Variants in VWF observed in about 807,000 individuals in gnomAD.
VWF encodes von Willebrand factor, also known as Factor VIII related antigen.
Under a neutral mutation model 308.6 loss-of-function variants are expected in VWF, and 176 were observed. That is an observed-to-expected ratio of 0.57 (90% CI 0.50 to 0.65). The LOEUF (loss-of-function observed/expected upper bound fraction) is 0.65, where lower values mean the gene tolerates loss of function less well. Ranked by LOEUF, VWF falls within the 30% of genes least tolerant of loss-of-function variation. The pLI is 0.00. For synonymous variants in VWF, 1,385 were observed against 1,443.4 expected (o/e 0.96, Z 0.92); for missense variants, 3,146 against 3,648.2 (o/e 0.86, Z 3.55).
At chr12:5,999,839 ACT>A (rs1943851322) in intron 34 of VWF, among the ~76,000 whole-genome samples, 1 of 151,940 alleles carries the variant, frequency 6.6e-6, no homozygotes, top group South Asian at 2.1e-4. Context: ...TAAAAATAGA[ACT>A]CAGTGAACTT....
intron 6 of VWF, among the ~76,000 whole-genome samples, chr12:6,091,382 C>G (rs117573477): frequency 0.019 from 2,881 of 152,148 alleles, 28 homozygotes; most frequent in Non-Finnish European, 0.027. Context: ...TTAGATAAAT[C>G]AGATTTCTAC....
At position 6,057,089 on chromosome 12, in the gene VWF, G is replaced by T; in HGVS notation, c.1730-17C>A. 6.5e-7 allele frequency: 1 copy of T among 1,529,076 alleles called. No homozygotes were observed. The highest frequency in any genetic ancestry group is 8.7e-7 in the Non-Finnish European group (1 of 1,143,456). 94.7% of individuals were successfully genotyped at this position (1,529,076 alleles called of 1,614,324 possible). Reference sequence around the variant, plus strand: ...AGAACCTGGCTGTGGGGCGAGAGGAGCGAGCCTGGGATGTGGTGGGGAGGA... The same window carrying T: ...AGAACCTGGCTGTGGGGCGAGAGGATCGAGCCTGGGATGTGGTGGGGAGGA... On this transcript the variant is annotated splice_polypyrimidine_tract_variant and intron_variant, in intron 14 of 51. Transcript: ENST00000261405.
chr12:6,028,965 C>A (rs1944225861), intron 22 of VWF, among the ~76,000 whole-genome samples: 2 of 152,058 alleles, frequency 1.3e-5, no homozygotes, highest in African/African-American at 4.8e-5. Context: ...CACAGACTGG[C>A]CAATTGGATA....
At chr12:6,041,839 G>A (rs1227132169) in intron 18 of VWF, among the ~76,000 whole-genome samples, 1 of 152,146 alleles carries the variant, frequency 6.6e-6, no homozygotes. Context: ...ATTTACAAAA[G>A]CATGGGTCCA....
At chr12:6,017,472 C>A (rs1238015202) in intron 28 of VWF, among the ~76,000 whole-genome samples, 1 of 152,208 alleles carries the variant, frequency 6.6e-6, no homozygotes, top group Non-Finnish European at 1.5e-5. Flanking sequence ...AACAAAAGTA[C>A]TGACAAGTGT....
At chr12:6,085,540 C>T (rs1057244147) in intron 6 of VWF, among the ~76,000 whole-genome samples, 8 of 152,190 alleles carry the variant, frequency 5.3e-5, no homozygotes, top group Admixed American at 1.3e-4. Flanking sequence ...AGAAATAGTT[C>T]GTTAAAGGAT....
At position 6,031,493 on chromosome 12, in the gene VWF, C is replaced by T. The variant is rs33978901; in HGVS notation, c.2771G>A (p.Arg924Gln). 0.018 allele frequency: 28,642 copies of T among 1,614,096 alleles called. 297 individuals carry two copies. The highest frequency in any genetic ancestry group is 0.022 in the Non-Finnish European group (26,260 of 1,180,006). Residue 924 changes from arginine to glutamine, a missense_variant, in exon 21 of 52, where the codon CGG (arginine) becomes CAG (glutamine). This residue lies in a region of VWF where 1,304 missense variants were observed against 1,353.0 expected (regional missense o/e 0.96). Coordinates refer to ENST00000261405, the MANE Select transcript of VWF (RefSeq NM_000552.5). The part of the protein sequence containing the change: ...CSHPSVKCKK[R>Q]VTILVEGGEI... Reference sequence around the variant, plus strand: ...TCCTCCCTCCACCAGGATGGTGACCCGTTTCTTGCATTTCACTGAGGGGTG... The same window carrying T: ...TCCTCCCTCCACCAGGATGGTGACCTGTTTCTTGCATTTCACTGAGGGGTG...
At chr12:6,048,266 C>T (rs1449957061) in intron 16 of VWF, among the ~76,000 whole-genome samples, 2 of 152,166 alleles carry the variant, frequency 1.3e-5, no homozygotes, top group Non-Finnish European at 2.9e-5. Flanking sequence ...CTCCCTGGTT[C>T]AAGCGATTCT....
intron 19 of VWF, among the ~76,000 whole-genome samples, 172 bp from the exon 20 acceptor site, chr12:6,034,998 T>TGC: frequency 6.6e-6 from 1 of 151,834 alleles, no homozygotes. Context: ...ATAGGCCCAG[T>TGC]ATGGTGCCCA....
chr12:5,960,425 C>T (rs1943300957), intron 47 of VWF, among the ~76,000 whole-genome samples: 1 of 152,132 alleles, frequency 6.6e-6, no homozygotes, highest in Non-Finnish European at 1.5e-5. Context: ...ATCTGCCAAA[C>T]ATTTTAGGAA....
intron 44 of VWF, 65 bp downstream of exon 44, chr12:5,971,534 G>C (rs1406916495): frequency 7.6e-7 from 1 of 1,317,514 alleles, no homozygotes; most frequent in Non-Finnish European, 1.1e-6. Context: ...TGAAACCAAG[G>C]TCAACGCTGG....
At chr12:6,119,292 C>T (rs1945404603) in intron 3 of VWF, among the ~76,000 whole-genome samples, 1 of 152,092 alleles carries the variant, frequency 6.6e-6, no homozygotes, top group African/African-American at 2.4e-5. Flanking sequence ...TTTCAGGCCC[C>T]CTTCCATTTC....
At chr12:5,967,647 C>G (rs779364367) in intron 46 of VWF, 45 bp from the exon 47 acceptor site, 5 of 1,536,944 alleles carry the variant, frequency 3.3e-6, no homozygotes, top group Non-Finnish European at 3.6e-6. Flanking sequence ...CATCCCCCAA[C>G]CCCCCACTCA....
At chr12:5,961,606 C>G (rs1375054486) in intron 47 of VWF, among the ~76,000 whole-genome samples, 1 of 103,316 alleles carries the variant, frequency 9.7e-6, no homozygotes, top group Non-Finnish European at 2.1e-5. Context: ...AAAAAAAAAA[C>G]ACTATTACTA....
chr12:6,099,460 C>T (rs1046960855), intron 5 of VWF, among the ~76,000 whole-genome samples: 4 of 151,838 alleles, frequency 2.6e-5, no homozygotes, highest in East Asian at 3.9e-4. Flanking sequence ...CCTATTTATA[C>T]TTCTTATAAG....
chr12:6,032,649 G>T (rs1171448688), intron 20 of VWF, among the ~76,000 whole-genome samples: 1 of 150,948 alleles, frequency 6.6e-6, no homozygotes, highest in East Asian at 1.9e-4. Context: ...AAAAAAAAAA[G>T]AAAAAATAAA....
intron 43 of VWF, among the ~76,000 whole-genome samples, chr12:5,972,972 C>T (rs530163479): frequency 2.0e-5 from 3 of 152,280 alleles, no homozygotes; most frequent in South Asian, 4.1e-4. Flanking sequence ...GCTGAATGAT[C>T]GAGATTCGCA....
At position 6,065,287 on chromosome 12, in the gene VWF, G is replaced by A; in HGVS notation, c.1157-14C>T. On this transcript the variant is annotated splice_polypyrimidine_tract_variant and intron_variant, in intron 10 of 51. Coordinates refer to ENST00000261405, the MANE Select transcript of VWF (RefSeq NM_000552.5). The stretch of plus-strand genomic sequence containing the variant: ...CAAGGCACTCCCCTGGAGAGACACA[G>A]AGGAAGGGAGAAGAATGGGAGGTGA... 1 of 1,614,032 alleles carries A rather than the reference G, an allele frequency of 6.2e-7. No homozygotes were observed. Among genetic ancestry groups the A allele is most frequent in the East Asian group, 2.2e-5 (1 of 44,876 alleles).
intron 34 of VWF, among the ~76,000 whole-genome samples, chr12:6,000,269 C>T (rs770909539): frequency 9.2e-5 from 14 of 152,232 alleles, no homozygotes; most frequent in Middle Eastern, 6.8e-3. Context: ...ATTTTCCAGG[C>T]CTTCAGGCAA....
Sources: gnomAD v4.1 joint callset for allele counts (sites outside exome capture counted in the v4.1 genomes callset) on GRCh38, gnomAD v4.1.1 for gene constraint, gnomAD v4.1.1 regional missense constraint, MANE v1.5 for transcripts, NCBI Gene and HGNC (gene_info 2026-07-23, HGNC 2026-07-21) for gene names.